The following MRE11 variants were observed in gnomAD, a reference collection of about 807,000 sequenced individuals.
MRE11 encodes the protein MRE11 double strand break repair nuclease.
MRE11 carries 62 observed loss-of-function variants against 91.7 expected under a neutral mutation model. The ratio of observed to expected loss-of-function variants is 0.68; its 90% confidence interval spans 0.55 to 0.84. The LOEUF is 0.84. Ranked by LOEUF, MRE11 falls within the 40% of genes least tolerant of loss-of-function variation. MRE11 has a pLI of 0.00. For missense variants in MRE11, 796 were observed against 852.9 expected (o/e 0.93, Z 0.83); for synonymous variants, 273 against 271.4 (o/e 1.01, Z -0.06).
intron 11 of MRE11, among the ~76,000 whole-genome samples, chr11:94,462,301 G>A (rs1274699499): frequency 2.0e-5 from 3 of 152,084 alleles, no homozygotes; most frequent in Non-Finnish European, 2.9e-5. Flanking sequence ...ATGGCAGAAC[G>A]TTCCATGCTC....
intron 6 of MRE11, among the ~76,000 whole-genome samples, chr11:94,477,005 C>T (rs1946879287): frequency 6.6e-6 from 1 of 152,172 alleles, no homozygotes; most frequent in South Asian, 2.1e-4. Flanking sequence ...CAGGCGTGTG[C>T]CAGCACGCCT....
chr11:94,451,861 A>G (rs1163843032), intron 14 of MRE11, among the ~76,000 whole-genome samples: 5 of 152,104 alleles, frequency 3.3e-5, no homozygotes, highest in African/African-American at 1.2e-4. Flanking sequence ...AAGAGAGGGC[A>G]CACACACACA....
Position 94,464,135 on chromosome 11 carries a change from A to G in MRE11, c.1203T>C (p.His401=), listed in dbSNP as rs747556655. The G allele has an allele frequency of 1.7e-5, 27 of 1,613,606 alleles. No homozygotes were observed. The highest frequency in any genetic ancestry group is 2.2e-5 in the Non-Finnish European group (26 of 1,179,866). The change falls in exon 11 of 20, where the codon CAT becomes CAC. Residue 401 remains histidine (H), a synonymous_variant. Transcript: ENST00000323929. ...NPKDIIHFFR[H]REQKEKTGEE... ...TACCTGTTTTTTCCTTTTGTTCTCT[A>G]TGCCTGAAAAAATGGATAATGTCTT...
At chr11:94,427,192 A>G (rs913611537) in intron 19 of MRE11, among the ~76,000 whole-genome samples, 1 of 152,220 alleles carries the variant, frequency 6.6e-6, no homozygotes, top group African/African-American at 2.4e-5. Context: ...AAGTTAATAT[A>G]CCATGATCAA....
chr11:94,447,085 T>C, intron 15 of MRE11, 134 bp downstream of exon 15: 1 of 946,562 alleles, frequency 1.1e-6, no homozygotes, highest in Non-Finnish European at 1.6e-6. Flanking sequence ...TGTCTTTATA[T>C]ATTATAAAAA....
In MRE11 at chr11:94,419,654, C is replaced by T. The variant is rs1323457524; in HGVS notation, c.*471G>A. On this transcript the variant is annotated 3_prime_UTR_variant, in exon 20 of 20. Transcript: ENST00000323929. Reference sequence around the variant, plus strand: ...ACATATCTGTTCAAACTATTAGGTACTTCTAATCATTTAGTCTTATAAGAA... The same window carrying T: ...ACATATCTGTTCAAACTATTAGGTATTTCTAATCATTTAGTCTTATAAGAA... The T allele has an allele frequency of 4.3e-6, 1 of 234,230 alleles. No individual in the cohort carries two copies. The highest frequency in any genetic ancestry group is 8.4e-6 in the Non-Finnish European group (1 of 118,962). The allele number at this position is 234,230 out of a possible 1,614,324, so 14.5% of individuals were successfully genotyped here. A position where few individuals can be genotyped will look rare whatever the true frequency, so the allele number is the denominator to read the frequency against.
intron 18 of MRE11, among the ~76,000 whole-genome samples, chr11:94,432,083 C>T (rs542152110): frequency 6.6e-6 from 1 of 152,226 alleles, no homozygotes; most frequent in Middle Eastern, 3.4e-3. Context: ...TGAGGTATCC[C>T]GATAATCTTC....
the MRE11 span, among the ~76,000 whole-genome samples, chr11:94,503,430 C>T: frequency 6.6e-6 from 1 of 152,110 alleles, no homozygotes; most frequent in South Asian, 2.1e-4. Flanking sequence ...CACGGTGGCT[C>T]ACACCATCCA....
chr11:94,503,006 G>A, the MRE11 span, among the ~76,000 whole-genome samples: 1 of 152,062 alleles, frequency 6.6e-6, no homozygotes, highest in Non-Finnish European at 1.5e-5. Context: ...CCCCTTCCAT[G>A]TAAGATTCCA....
rs186196519 is a variant in MRE11 at position 94,427,001 on chromosome 11, T to C, written c.2070+2910A>G. 7.4e-3 allele frequency among the ~76,000 whole-genome samples: 1,126 copies of C among 152,146 alleles called. 21 individuals carry two copies. The highest frequency in any genetic ancestry group is 0.026 in the African/African-American group (1,063 of 41,524). Reference sequence around the variant, plus strand: ...AGAACTGGTACCAATCCTACAGAAATTATTCCAAAAAAATCAAGGGAGGCT... The same window carrying C: ...AGAACTGGTACCAATCCTACAGAAACTATTCCAAAAAAATCAAGGGAGGCT... On this transcript the variant is annotated intron_variant, in intron 19 of 19. Coordinates refer to ENST00000323929, the MANE Select transcript of MRE11 (RefSeq NM_005591.4).
rs376972441 is a variant in MRE11, at chr11:94,430,340, ATACT to A, written c.1995-358_1995-355del. Among the ~76,000 whole-genome samples, 381 of 152,266 alleles carry A rather than the reference ATACT, an allele frequency of 2.5e-3. 1 individual carries two copies. Among genetic ancestry groups the A allele is most frequent in the African/African-American group, 8.8e-3 (365 of 41,550 alleles). ...CTGACACATATTAAGTACTACAACA[ATACT>A]TACTTATATTATTATAGTACTTATC... On this transcript the variant is annotated intron_variant, in intron 18 of 19. Coordinates refer to ENST00000323929, the MANE Select transcript of MRE11 (RefSeq NM_005591.4).
At chr11:94,420,897 T>C (rs1443127560) in intron 19 of MRE11, among the ~76,000 whole-genome samples, 2 of 152,018 alleles carry the variant, frequency 1.3e-5, no homozygotes, top group Non-Finnish European at 2.9e-5. Context: ...CCGGGTGTGG[T>C]GGCGGGCGCC....
At position 94,429,849 on chromosome 11, in the gene MRE11, G is replaced by A. The variant is rs1023735008; in HGVS notation, c.2070+62C>T. 5 of 1,389,996 alleles carry A rather than the reference G, an allele frequency of 3.6e-6. No homozygotes were observed. The African/African-American group carries it at 4.3e-5, about 12-fold the overall frequency. 86.1% of individuals were successfully genotyped at this position (1,389,996 alleles called of 1,614,324 possible). A position where few individuals can be genotyped will look rare whatever the true frequency, so the allele number is the denominator to read the frequency against. ...AAAAAAGTTCAGCAACTAGCTGGCA[G>A]TCTCTATTTAAATTTTATAAAGTTA... On this transcript the variant is annotated intron_variant, in intron 19 of 19. Transcript: ENST00000323929.
At chr11:94,469,949 T>G (rs1946663840) in intron 9 of MRE11, among the ~76,000 whole-genome samples, 1 of 152,118 alleles carries the variant, frequency 6.6e-6, no homozygotes, top group Admixed American at 6.6e-5. Context: ...GCTGAAATTT[T>G]CTAGAGATTT....
intron 14 of MRE11, among the ~76,000 whole-genome samples, chr11:94,454,682 T>C (rs986935168): frequency 2.0e-5 from 3 of 152,172 alleles, no homozygotes; most frequent in Non-Finnish European, 4.4e-5. Context: ...AAAACTCCCA[T>C]ATGAAATTTG....
At chr11:94,489,189 T>C (rs962368988) in intron 3 of MRE11, among the ~76,000 whole-genome samples, 2 of 151,654 alleles carry the variant, frequency 1.3e-5, no homozygotes, top group Non-Finnish European at 2.9e-5. Flanking sequence ...AAAACAGTGC[T>C]TGGAAGTATC....
upstream of MRE11, chr11:94,496,679 G>C (rs1165278227): frequency 2.6e-6 from 4 of 1,559,498 alleles, no homozygotes; most frequent in Non-Finnish European, 3.5e-6. Context: ...TTTTTATTTA[G>C]AATAGTAGTA....
At chr11:94,456,843 G>A (rs1181283532) in intron 13 of MRE11, among the ~76,000 whole-genome samples, 1 of 152,162 alleles carries the variant, frequency 6.6e-6, no homozygotes, top group Non-Finnish European at 1.5e-5. Context: ...TATCAAGAAG[G>A]AGACTACAGG....
chr11:94,461,291 G>C (rs7112263), intron 11 of MRE11, among the ~76,000 whole-genome samples: 1 of 152,096 alleles, frequency 6.6e-6, no homozygotes, highest in African/African-American at 2.4e-5. Flanking sequence ...ACAGACTTCT[G>C]GAGGTCCTCA....
Sources: allele counts gnomAD v4.1 joint callset (sites outside exome capture counted in the v4.1 genomes callset), GRCh38; gene constraint gnomAD v4.1.1; transcripts MANE v1.5; gene names NCBI Gene and HGNC (gene_info 2026-07-23, HGNC 2026-07-21).